Variants in AKR1E2 observed in about 807,000 individuals in gnomAD.
AKR1E2 encodes the protein 1,5-anhydro-D-fructose reductase.
Under a neutral mutation model 41.9 loss-of-function variants are expected in AKR1E2, and 43 were observed. That is an observed-to-expected ratio of 1.03 (90% confidence interval 0.80 to 1.32). The LOEUF (loss-of-function observed/expected upper bound fraction) is 1.32. Among genes scored for constraint, AKR1E2 ranks in the 40% most tolerant of loss-of-function variants. The pLI is 0.00. For synonymous variants in AKR1E2, 121 were observed against 138.9 expected (o/e 0.87, Z 0.91); for missense variants, 423 against 396.5 (o/e 1.07, Z -0.57).
intron 2 of AKR1E2, 37 bp from the exon 3 acceptor site, chr10:4,833,313 G>A (rs768138872): frequency 6.5e-7 from 1 of 1,539,000 alleles, no homozygotes; most frequent in South Asian, 1.1e-5. Context: ...CTGGCTCTGG[G>A]TGGGCACGTG....
At chr10:4,843,047 A>G (rs1410248364) in intron 8 of AKR1E2, among the ~76,000 whole-genome samples, 2 of 152,246 alleles carry the variant, frequency 1.3e-5, no homozygotes, top group Non-Finnish European at 2.9e-5. Flanking sequence ...ACAGAGAGGC[A>G]GCGGTCCTTT....
At chr10:4,859,486 A>T in the AKR1E2 span, among the ~76,000 whole-genome samples, 1 of 152,248 alleles carries the variant, frequency 6.6e-6, no homozygotes, top group Non-Finnish European at 1.5e-5. Flanking sequence ...AAACAAAATC[A>T]TGAGGCCTGG....
downstream of AKR1E2, among the ~76,000 whole-genome samples, chr10:4,850,567 G>A (rs890460152): frequency 6.6e-6 from 1 of 152,188 alleles, no homozygotes; most frequent in Non-Finnish European, 1.5e-5. Flanking sequence ...AGCAATGTGC[G>A]AGGTTCCGGT....
chr10:4,830,571 T>G (rs1564254890), intron 1 of AKR1E2, 104 bp from the exon 2 acceptor site: 1 of 1,345,418 alleles, frequency 7.4e-7, no homozygotes, highest in East Asian at 2.4e-5. Context: ...AATTAGTGAC[T>G]TAATTTTTTA....
chr10:4,833,419 C>A lies in AKR1E2; in HGVS notation c.277C>A (p.Leu93Met), dbSNP rs1295634719. ...CAGAAAGAGTCTCAAGGCCTTGAAG[C>A]TGAACTATTTGGACCTCTACCTCAT... The part of the protein sequence containing the change: ...ACRKSLKALK[L>M]NYLDLYLIHW... The change falls in exon 3 of 10, where the codon CTG (leucine) becomes ATG (methionine). Residue 93 changes from leucine to methionine, a missense_variant. Transcript: ENST00000298375. The A allele has an allele frequency of 6.2e-7, 1 of 1,614,200 alleles. No homozygotes were observed.
At chr10:4,861,742 A>G in the AKR1E2 span, among the ~76,000 whole-genome samples, 2 of 152,118 alleles carry the variant, frequency 1.3e-5, no homozygotes, top group Non-Finnish European at 2.9e-5. Context: ...TGTGGCCTAA[A>G]AGATATATTC....
At chr10:4,841,938 T>G (rs1240426451) in intron 7 of AKR1E2, 81 bp downstream of exon 7, 10 of 1,315,618 alleles carry the variant, frequency 7.6e-6, no homozygotes, top group Non-Finnish European at 9.4e-6. Context: ...GCTTGGCAGG[T>G]CCCAGGAAGG....
At chr10:4,870,329 TCAAGAGGG>T in the AKR1E2 span, among the ~76,000 whole-genome samples, 1 of 152,068 alleles carries the variant, frequency 6.6e-6, no homozygotes, top group South Asian at 2.1e-4. Context: ...TTTAGAAAAC[TCAAGAGGG>T]CAAGAACAAT....
At chr10:4,836,559 A>G (rs990909818) in intron 4 of AKR1E2, among the ~76,000 whole-genome samples, 5 of 152,168 alleles carry the variant, frequency 3.3e-5, no homozygotes, top group Non-Finnish European at 7.3e-5. Flanking sequence ...TGAGGTTAGG[A>G]CAGAGCTTGC....
chr10:4,835,669 T>TC lies in AKR1E2; in HGVS notation c.325-5dup, dbSNP rs761259376. ...TTTCACACATCTCAACTCTCCTTCTTCGCAGCCTCCTCATCCAGAATGGAT... is the reference window on the plus strand; with the variant it reads ...TTTCACACATCTCAACTCTCCTTCTTCCGCAGCCTCCTCATCCAGAATGGAT... On this transcript the variant is annotated splice_region_variant and splice_polypyrimidine_tract_variant and intron_variant, in intron 3 of 9. Coordinates refer to ENST00000298375, the MANE Select transcript of AKR1E2 (RefSeq NM_001040177.3). The TC allele has an allele frequency of 7.3e-5, 118 of 1,613,570 alleles. 1 individual carries two copies. Among genetic ancestry groups the TC allele is most frequent in the Non-Finnish European group, 7.6e-5 (90 of 1,179,930 alleles).
intron 3 of AKR1E2, 62 bp downstream of exon 3, chr10:4,833,528 C>G: frequency 7.1e-7 from 1 of 1,415,092 alleles, no homozygotes. Flanking sequence ...TGCTCACACC[C>G]TGTCTTGCGG....
At chr10:4,837,083 G>A (rs1451045771) in intron 4 of AKR1E2, among the ~76,000 whole-genome samples, 1 of 152,236 alleles carries the variant, frequency 6.6e-6, no homozygotes, top group African/African-American at 2.4e-5. Context: ...CAGCAGACAT[G>A]CTTGCCAGAC....
the AKR1E2 span, among the ~76,000 whole-genome samples, chr10:4,859,606 G>A: frequency 1.5e-4 from 23 of 152,130 alleles, no homozygotes; most frequent in African/African-American, 4.6e-4. Context: ...AATTCTGCCC[G>A]CACTTCTCAT....
At chr10:4,858,561 G>C in the AKR1E2 span, among the ~76,000 whole-genome samples, 3 of 152,200 alleles carry the variant, frequency 2.0e-5, no homozygotes, top group African/African-American at 7.2e-5. Flanking sequence ...AAAGTGTGTG[G>C]AAGATCAGGC....
chr10:4,848,920 A>G (rs1993182), downstream of AKR1E2, among the ~76,000 whole-genome samples: 5,214 of 152,310 alleles, frequency 0.034, 148 homozygotes, highest in East Asian at 0.11. Context: ...ATCTGGCCCA[A>G]GTTATGTTCT....
At chr10:4,852,346 G>C (rs540200656), downstream of AKR1E2, among the ~76,000 whole-genome samples, 12 of 152,306 alleles carry the variant, frequency 7.9e-5, no homozygotes, top group South Asian at 1.2e-3. Context: ...CATGAAAAAG[G>C]CTCCTTCTCT....
At chr10:4,859,540 C>G in the AKR1E2 span, among the ~76,000 whole-genome samples, 1 of 152,154 alleles carries the variant, frequency 6.6e-6, no homozygotes, top group East Asian at 1.9e-4. Context: ...TCCCCTCTGG[C>G]TAGAATTAGC....
downstream of AKR1E2, among the ~76,000 whole-genome samples, chr10:4,848,431 A>G (rs964294219): frequency 1.3e-5 from 2 of 152,234 alleles, no homozygotes; most frequent in African/African-American, 2.4e-5. Context: ...TCCAGACGCC[A>G]TGATCCCTGT....
At chr10:4,840,890 C>A (rs1833821658) in intron 6 of AKR1E2, among the ~76,000 whole-genome samples, 1 of 152,170 alleles carries the variant, frequency 6.6e-6, no homozygotes, top group South Asian at 2.1e-4. Flanking sequence ...TCAAAGCAAC[C>A]AGAGTGCAGG....
Sources: allele counts gnomAD v4.1 joint callset (sites outside exome capture counted in the v4.1 genomes callset), GRCh38; gene constraint gnomAD v4.1.1; transcripts MANE v1.5; gene names NCBI Gene and HGNC (gene_info 2026-07-23, HGNC 2026-07-21).